Variants in MGAT4C observed in about 807,000 individuals in gnomAD.
The protein encoded by MGAT4C is MGAT4 family member C, also known as alpha-1,3-mannosyl-glycoprotein 4-beta-N-acetylglucosaminyltransferase C.
Under a neutral mutation model 40.1 loss-of-function variants are expected in MGAT4C, and 19 were observed. The observed-to-expected ratio is 0.47, with a 90% CI of 0.33 to 0.70. The LOEUF (loss-of-function observed/expected upper bound fraction) is 0.70, where lower values mean the gene tolerates loss of function less well. Among genes scored for constraint, MGAT4C ranks in the 30% least tolerant of loss-of-function variants. MGAT4C has a pLI of 0.02. For missense variants in MGAT4C, 491 were observed against 563.2 expected (o/e 0.87, Z 1.30); for synonymous variants, 181 against 187.1 (o/e 0.97, Z 0.27).
chr12:86,013,133 T>C (rs912303433), intron 2 of MGAT4C, among the ~76,000 whole-genome samples: 3 of 152,210 alleles, frequency 2.0e-5, no homozygotes, highest in South Asian at 4.1e-4. Context: ...AGACCTTGTC[T>C]CTTCTTCAAC....
intron 1 of MGAT4C, among the ~76,000 whole-genome samples, chr12:86,176,053 G>A (rs1887391985): frequency 6.6e-6 from 1 of 152,116 alleles, no homozygotes; most frequent in African/African-American, 2.4e-5. Context: ...ACCCCGGCAA[G>A]GTGCAATTCT....
At chr12:86,766,193 A>C (rs2136160352) in intron 1 of MGAT4C, among the ~76,000 whole-genome samples, 1 of 152,206 alleles carries the variant, frequency 6.6e-6, no homozygotes, top group Admixed American at 6.5e-5. Context: ...CAAATGGAAA[A>C]CAAAAAAAGG....
At chr12:86,589,535 C>G (rs1593018859) in intron 2 of MGAT4C, among the ~76,000 whole-genome samples, 1 of 151,860 alleles carries the variant, frequency 6.6e-6, no homozygotes, top group African/African-American at 2.4e-5. Flanking sequence ...AAGAGGGAAT[C>G]CTCCCTAACT....
At chr12:86,207,011 G>A (rs1035405647) in intron 1 of MGAT4C, among the ~76,000 whole-genome samples, 1 of 151,992 alleles carries the variant, frequency 6.6e-6, no homozygotes, top group Non-Finnish European at 1.5e-5. Flanking sequence ...TAGTAGGAGG[G>A]TTAAATAGTA....
At chr12:86,356,812 A>G (rs1174551773) in intron 3 of MGAT4C, among the ~76,000 whole-genome samples, 5 of 152,096 alleles carry the variant, frequency 3.3e-5, no homozygotes, top group Non-Finnish European at 7.4e-5. Context: ...GTAGATAAAC[A>G]AAGTGGCCAG....
intron 1 of MGAT4C, among the ~76,000 whole-genome samples, chr12:86,156,372 G>T (rs1372894422): frequency 6.6e-6 from 1 of 152,100 alleles, no homozygotes; most frequent in Non-Finnish European, 1.5e-5. Flanking sequence ...GTCCAGGCTG[G>T]AGTGCAATGA....
At chr12:86,670,414 A>T (rs539466503) in intron 2 of MGAT4C, among the ~76,000 whole-genome samples, 1 of 152,154 alleles carries the variant, frequency 6.6e-6, no homozygotes, top group Admixed American at 6.5e-5. Flanking sequence ...AAACAAAAAA[A>T]CTCATTTAAG....
chr12:86,252,753 C>T (rs1952353935), intron 1 of MGAT4C, among the ~76,000 whole-genome samples: 1 of 151,748 alleles, frequency 6.6e-6, no homozygotes, highest in African/African-American at 2.4e-5. Context: ...CTATAAAGAA[C>T]CTTGTCCAAA....
rs1422063039 is a variant in MGAT4C, at chr12:85,971,011, T to G, written c.*8278A>C. 2 of 151,162 alleles carry G rather than the reference T, an allele frequency of 1.3e-5. No individual in the cohort carries two copies. The highest frequency in any genetic ancestry group is 4.8e-5 in the African/African-American group (2 of 41,354). The allele number at this position is 151,162 out of a possible 1,614,324, so 9.4% of individuals were successfully genotyped here. ...AAGTGAAATTATACCTTGTAAAATT[T>G]CATATTATGAGAGCAATATGTAAAT... On this transcript the variant is annotated 3_prime_UTR_variant, in exon 5 of 5. Transcript: ENST00000611864.
chr12:86,552,984 T>A (rs182514736), intron 2 of MGAT4C, among the ~76,000 whole-genome samples: 1 of 152,206 alleles, frequency 6.6e-6, no homozygotes, highest in Admixed American at 6.5e-5. Context: ...ACATTCTAGT[T>A]TGATATTAGC....
Position 86,525,171 on chromosome 12 carries a change from T to C in MGAT4C, c.-228-89906A>G, listed in dbSNP as rs1266657671. 2.6e-5 allele frequency among the ~76,000 whole-genome samples: 4 copies of C among 152,212 alleles called. No individual in the cohort carries two copies. In the South Asian group the frequency reaches 6.2e-4, roughly 24 times the overall value. On this transcript the variant is annotated intron_variant, in intron 2 of 7. Transcript: ENST00000548651. ...GACCTGGTGAGAAGTAACTGAATCA[T>C]GGACGCAGTTTCCTCCATGCTGTTC...
At chr12:86,278,471 G>C (rs113673895) in intron 4 of MGAT4C, among the ~76,000 whole-genome samples, 2,117 of 152,126 alleles carry the variant, frequency 0.014, 23 homozygotes, top group Middle Eastern at 0.037. Context: ...GAGCCACCAT[G>C]CCCATCTTTG....
intron 2 of MGAT4C, among the ~76,000 whole-genome samples, chr12:86,568,705 G>T (rs1206804249): frequency 6.6e-6 from 1 of 151,884 alleles, no homozygotes; most frequent in African/African-American, 2.4e-5. Flanking sequence ...AACCAAAACA[G>T]CATGGTATTG....
chr12:86,321,350 T>C (rs185098177), intron 4 of MGAT4C, among the ~76,000 whole-genome samples: 1 of 152,280 alleles, frequency 6.6e-6, no homozygotes. Flanking sequence ...TCTATTTTGA[T>C]TTAATTTAAG....
At chr12:86,409,919 C>T (rs1440033416) in intron 3 of MGAT4C, among the ~76,000 whole-genome samples, 2 of 152,086 alleles carry the variant, frequency 1.3e-5, no homozygotes, top group Admixed American at 6.6e-5. Flanking sequence ...ACAGCTGGGC[C>T]TCCAGGGGTG....
In MGAT4C at chr12:86,216,688, T is replaced by C. The variant is rs144460518; in HGVS notation, c.-57+39551A>G. On this transcript the variant is annotated intron_variant, in intron 1 of 4. Coordinates refer to ENST00000611864, the MANE Select transcript of MGAT4C (RefSeq NM_001351288.2). ...TAATCATCTTCAAAATAAGTGCTTA[T>C]ATAAATCAGGTATTCTGTTAGAAAA... Among the ~76,000 whole-genome samples the C allele has an allele frequency of 2.4e-4, 37 of 152,368 alleles. 1 individual carries two copies. Among genetic ancestry groups the C allele is most frequent in the African/African-American group, 8.2e-4 (34 of 41,586 alleles).
chr12:85,975,518 G>A lies in MGAT4C; in HGVS notation c.*3771C>T, dbSNP rs1049723497. The A allele has an allele frequency of 2.0e-5, 3 of 150,834 alleles. No homozygotes were observed. Among genetic ancestry groups the A allele is most frequent in the East Asian group, 3.9e-4 (2 of 5,176 alleles). 9.3% of individuals were successfully genotyped at this position (150,834 alleles called of 1,614,324 possible). On this transcript the variant is annotated 3_prime_UTR_variant, in exon 5 of 5. Coordinates refer to ENST00000611864, the MANE Select transcript of MGAT4C (RefSeq NM_001351288.2). ...GGTTAAGTAAATTTCCTCATATTGGGAGGCTGGTAATGCAGAACTGGGTGT... is the reference window on the plus strand; with the variant it reads ...GGTTAAGTAAATTTCCTCATATTGGAAGGCTGGTAATGCAGAACTGGGTGT...
chr12:86,132,753 C>T (rs1205308042), intron 1 of MGAT4C, among the ~76,000 whole-genome samples: 3 of 139,234 alleles, frequency 2.2e-5, no homozygotes, highest in African/African-American at 8.3e-5. Context: ...GATCGCGCCA[C>T]TGCACTCCAG....
chr12:86,394,536 CATATATTTATATATATTT>C (rs1449352304), intron 3 of MGAT4C, among the ~76,000 whole-genome samples: 40 of 134,044 alleles, frequency 3.0e-4, no homozygotes, highest in Non-Finnish European at 4.1e-4. Flanking sequence ...ATATTTTATA[CATATATTTATATATATTT>C]ATATATTTAT....
Sources: gnomAD v4.1 joint callset for allele counts (sites outside exome capture counted in the v4.1 genomes callset) on GRCh38, gnomAD v4.1.1 for gene constraint, MANE v1.5 for transcripts, NCBI Gene and HGNC (gene_info 2026-07-23, HGNC 2026-07-21) for gene names.